The following ELMO1 variants were observed in gnomAD, a reference collection of about 807,000 sequenced individuals.
ELMO1 encodes the protein engulfment and cell motility 1.
Under a neutral mutation model 98.9 loss-of-function variants are expected in ELMO1, and 26 were observed. The observed-to-expected ratio is 0.26, with a 90% CI of 0.19 to 0.36. ELMO1 has a LOEUF of 0.36. Among genes scored for constraint, ELMO1 ranks in the 10% least tolerant of loss-of-function variants. ELMO1 has a pLI of 1.00. For synonymous variants in ELMO1, 346 were observed against 346.0 expected, an observed-to-expected ratio of 1.00 and a Z score of 0.00; for missense variants, 627 against 935.2, an observed-to-expected ratio of 0.67 and a Z score of 4.30.
At chr7:36,930,075 AAC>A (rs1785914320) in intron 16 of ELMO1, among the ~76,000 whole-genome samples, 1 of 152,220 alleles carries the variant, frequency 6.6e-6, no homozygotes, top group Admixed American at 6.5e-5. Flanking sequence ...AGAGTTGGGA[AAC>A]ACATCCAGTC....
At chr7:37,131,454 T>C (rs1427059948) in intron 14 of ELMO1, among the ~76,000 whole-genome samples, 1 of 152,232 alleles carries the variant, frequency 6.6e-6, no homozygotes, top group Non-Finnish European at 1.5e-5. Context: ...TTACTTTTCA[T>C]GAGACATATG....
At chr7:37,246,625 G>A (rs1795019290) in intron 6 of ELMO1, among the ~76,000 whole-genome samples, 1 of 152,160 alleles carries the variant, frequency 6.6e-6, no homozygotes, top group Non-Finnish European at 1.5e-5. Flanking sequence ...GAGAACACTG[G>A]ATAAATCTGT....
chr7:37,096,767 T>A (rs183469570), intron 14 of ELMO1, 40 bp from the exon 15 acceptor site: 1 of 1,562,876 alleles, frequency 6.4e-7, no homozygotes, highest in African/African-American at 1.4e-5. Flanking sequence ...GGAAATTCAA[T>A]TGTGGAAAAC....
At chr7:37,096,766 A>G (rs371177084) in intron 14 of ELMO1, 39 bp from the exon 15 acceptor site, 38 of 1,559,198 alleles carry the variant, frequency 2.4e-5, no homozygotes, top group South Asian at 4.4e-5. Flanking sequence ...AGGAAATTCA[A>G]TTGTGGAAAA....
At chr7:37,404,783 T>A (rs1285801547) in intron 1 of ELMO1, among the ~76,000 whole-genome samples, 1 of 152,230 alleles carries the variant, frequency 6.6e-6, no homozygotes, top group Admixed American at 6.5e-5. Context: ...CTTGGAAGGC[T>A]GGCTTAAATT....
At chr7:37,022,753 A>G (rs1325144546) in intron 15 of ELMO1, among the ~76,000 whole-genome samples, 1 of 152,242 alleles carries the variant, frequency 6.6e-6, no homozygotes, top group Non-Finnish European at 1.5e-5. Context: ...AAATGCATAC[A>G]TACGCATTCC....
chr7:37,202,682 A>G (rs777867846), intron 13 of ELMO1, among the ~76,000 whole-genome samples: 31 of 152,228 alleles, frequency 2.0e-4, no homozygotes, highest in Non-Finnish European at 3.4e-4. Context: ...GCAGTACTGA[A>G]TGATCTGTAG....
intron 16 of ELMO1, among the ~76,000 whole-genome samples, chr7:36,899,563 G>A (rs769714512): frequency 2.9e-4 from 44 of 152,032 alleles, no homozygotes; most frequent in Admixed American, 6.6e-4. Context: ...GCTGCAGTAT[G>A]GCTTCTCAGC....
At chr7:37,297,296 T>G (rs900839894) in intron 4 of ELMO1, among the ~76,000 whole-genome samples, 1 of 152,188 alleles carries the variant, frequency 6.6e-6, no homozygotes, top group African/African-American at 2.4e-5. Context: ...GAAGCACCTG[T>G]GAAAAGTTGC....
At chr7:37,000,938 TACAC>T (rs145766627) in intron 16 of ELMO1, among the ~76,000 whole-genome samples, 59 of 147,486 alleles carry the variant, frequency 4.0e-4, no homozygotes, top group East Asian at 6.0e-4. Flanking sequence ...TATATGTGTA[TACAC>T]ACACACACAC....
intron 6 of ELMO1, among the ~76,000 whole-genome samples, chr7:37,245,871 C>G (rs1218621937): frequency 6.6e-6 from 1 of 152,130 alleles, no homozygotes; most frequent in South Asian, 2.1e-4. Flanking sequence ...CAGGCCACAT[C>G]AGGGACACGC....
intron 14 of ELMO1, among the ~76,000 whole-genome samples, chr7:37,097,044 T>C (rs1784397620): frequency 1.3e-5 from 2 of 152,202 alleles, no homozygotes; most frequent in Non-Finnish European, 2.9e-5. Context: ...CAAACAACTC[T>C]CTTGTCCTCC....
chr7:37,152,873 T>C (rs1192945321), intron 13 of ELMO1, among the ~76,000 whole-genome samples: 1 of 152,172 alleles, frequency 6.6e-6, no homozygotes, highest in South Asian at 2.1e-4. Flanking sequence ...AAGCAAGTTT[T>C]TGTATAATGT....
chr7:37,096,595 C>T lies in ELMO1; in HGVS notation c.1300+24G>A, dbSNP rs1231468750. 3 of 1,604,684 alleles carry T rather than the reference C, an allele frequency of 1.9e-6. No homozygotes were observed. In the South Asian group the frequency reaches 3.3e-5, roughly 18 times the overall value. ...GCTGGGACTCTGCCAGCTTCACACC[C>T]ATGTGGGAAATAAGTATACTTACGC... On this transcript the variant is annotated intron_variant, in intron 15 of 21. Transcript: ENST00000310758.
chr7:37,291,503 A>G (rs958559647), intron 4 of ELMO1, among the ~76,000 whole-genome samples: 6 of 152,380 alleles, frequency 3.9e-5, no homozygotes, highest in African/African-American at 7.2e-5. Flanking sequence ...CATGACAATG[A>G]AACACTCCAA....
At chr7:37,039,704 C>G (rs1191383102) in intron 15 of ELMO1, among the ~76,000 whole-genome samples, 3 of 152,150 alleles carry the variant, frequency 2.0e-5, no homozygotes, top group Non-Finnish European at 4.4e-5. Context: ...TCTATTTCAG[C>G]CTGTGTCTAA....
chr7:36,897,878 G>A (rs572959129), intron 16 of ELMO1, among the ~76,000 whole-genome samples: 1 of 152,278 alleles, frequency 6.6e-6, no homozygotes, highest in South Asian at 2.1e-4. Flanking sequence ...CCTAAGACTA[G>A]GTTGATAGGC....
intron 14 of ELMO1, among the ~76,000 whole-genome samples, chr7:37,131,673 G>C (rs1467006176): frequency 6.6e-6 from 1 of 152,112 alleles, no homozygotes; most frequent in Non-Finnish European, 1.5e-5. Flanking sequence ...AATCATCTGT[G>C]CAAAAAATAT....
chr7:37,115,007 G>T (rs995513136), intron 14 of ELMO1, among the ~76,000 whole-genome samples: 4 of 151,956 alleles, frequency 2.6e-5, no homozygotes, highest in Admixed American at 2.0e-4. Context: ...TAAATGAAAT[G>T]GACCAATTCC....
Sources: gnomAD v4.1 joint callset for allele counts (sites outside exome capture counted in the v4.1 genomes callset) on GRCh38, gnomAD v4.1.1 for gene constraint, MANE v1.5 for transcripts, NCBI Gene and HGNC (gene_info 2026-07-23, HGNC 2026-07-21) for gene names.